UBAP2: variants seen among roughly 807,000 people sequenced by gnomAD.
UBAP2 encodes the protein ubiquitin associated protein 2.
A neutral mutation model predicts 139.6 loss-of-function variants in UBAP2; 75 were observed. That is an observed-to-expected ratio of 0.54 (90% CI 0.45 to 0.65). The LOEUF is 0.65. Ranked by LOEUF, UBAP2 falls within the 30% of genes least tolerant of loss-of-function variation. The pLI, the probability that UBAP2 is intolerant of heterozygous loss-of-function variation, is 0.00. For missense variants in UBAP2, 1,368 were observed against 1,369.6 expected, an observed-to-expected ratio of 1.00 and a Z score of 0.02; for synonymous variants, 526 against 526.2, an observed-to-expected ratio of 1.00 and a Z score of 0.01.
chr9:33,935,000 A>T (rs749969829), intron 17 of UBAP2, among the ~76,000 whole-genome samples: 1 of 152,184 alleles, frequency 6.6e-6, no homozygotes, highest in Non-Finnish European at 1.5e-5. Context: ...ACTCCCAGGA[A>T]ATCCTATTTA....
At chr9:33,947,561 C>T (rs1197459965) in intron 13 of UBAP2, among the ~76,000 whole-genome samples, 2 of 152,112 alleles carry the variant, frequency 1.3e-5, no homozygotes, top group Non-Finnish European at 2.9e-5. Context: ...GTGGCTCACA[C>T]CTGTGATCTC....
At chr9:33,963,855 G>A in intron 8 of UBAP2, 64 bp from the exon 9 acceptor site, 2 of 1,216,060 alleles carry the variant, frequency 1.6e-6, no homozygotes, top group Non-Finnish European at 2.4e-6. Flanking sequence ...TCATCACAGA[G>A]AAGATGGTCA....
intron 2 of UBAP2, among the ~76,000 whole-genome samples, chr9:34,004,965 T>C (rs1587646291): frequency 6.7e-6 from 1 of 149,416 alleles, no homozygotes; most frequent in East Asian, 2.0e-4. Flanking sequence ...TTTTCTTAAA[T>C]CCCATTGAAA....
intron 6 of UBAP2, among the ~76,000 whole-genome samples, chr9:33,984,692 A>G (rs1408452301): frequency 6.6e-6 from 1 of 151,894 alleles, no homozygotes; most frequent in Non-Finnish European, 1.5e-5. Context: ...GAGAAAAAAA[A>G]ACAGTAGACA....
intron 6 of UBAP2, among the ~76,000 whole-genome samples, chr9:33,983,575 G>A (rs1820951437): frequency 6.6e-6 from 1 of 152,188 alleles, no homozygotes; most frequent in African/African-American, 2.4e-5. Flanking sequence ...GTCTTATACT[G>A]TGACCGCCCT....
intron 10 of UBAP2, among the ~76,000 whole-genome samples, chr9:33,957,613 C>T (rs997493169): frequency 3.3e-5 from 5 of 152,162 alleles, no homozygotes; most frequent in Non-Finnish European, 5.9e-5. Context: ...TTTTTTGAAA[C>T]CTCAACTGAC....
intron 2 of UBAP2, among the ~76,000 whole-genome samples, chr9:34,013,478 C>T (rs974051178): frequency 6.6e-6 from 1 of 151,212 alleles, no homozygotes; most frequent in Non-Finnish European, 1.5e-5. Context: ...ACAACAAGAG[C>T]AAAACTCCGT....
chr9:34,037,997 CAAAAAA>C (rs72361484), intron 1 of UBAP2, among the ~76,000 whole-genome samples: 1 of 87,364 alleles, frequency 1.1e-5, no homozygotes, highest in African/African-American at 4.5e-5. Flanking sequence ...CCTGTCTCTA[CAAAAAA>C]AAAAAAAAAA....
chr9:34,017,167 A>G lies in UBAP2; in HGVS notation c.-19T>C, dbSNP rs1318060063. On this transcript the variant is annotated 5_prime_UTR_variant, in exon 2 of 29. Coordinates refer to ENST00000379238, the MANE Select transcript of UBAP2 (RefSeq NM_001370062.2). The stretch of plus-strand genomic sequence containing the variant: ...TCATCATATACAGTATATACAAAAT[A>G]ATGTATGTACAAAATAGAAAATCTG... 7.2e-6 allele frequency: 11 copies of G among 1,529,740 alleles called. No homozygotes were observed. The highest frequency in any genetic ancestry group is 8.8e-6 in the Non-Finnish European group (10 of 1,133,308). 94.8% of individuals were successfully genotyped at this position (1,529,740 alleles called of 1,614,324 possible).
chr9:34,017,455 C>T (rs1267130962), intron 1 of UBAP2, among the ~76,000 whole-genome samples: 1 of 152,180 alleles, frequency 6.6e-6, no homozygotes. Context: ...TTTATCACTA[C>T]ATGTAGTCAC....
intron 4 of UBAP2, 61 bp downstream of exon 4, chr9:33,996,162 G>A: frequency 7.6e-7 from 1 of 1,320,794 alleles, no homozygotes. Flanking sequence ...AGGTGAAGTT[G>A]AAAATGTGCT....
intron 1 of UBAP2, 37 bp downstream of exon 1, chr9:34,048,788 C>T (rs1320281528): frequency 6.6e-6 from 1 of 152,260 alleles, no homozygotes; most frequent in African/African-American, 2.4e-5. Context: ...GCTCAGGGCC[C>T]TGGAAGAGGG....
intron 2 of UBAP2, among the ~76,000 whole-genome samples, chr9:34,010,753 T>A (rs1390320749): frequency 6.6e-6 from 1 of 152,098 alleles, no homozygotes; most frequent in Non-Finnish European, 1.5e-5. Context: ...AAACAGGAGC[T>A]ACAACAAACA....
intron 6 of UBAP2, among the ~76,000 whole-genome samples, chr9:33,977,174 G>T (rs1820205911): frequency 6.6e-6 from 1 of 151,054 alleles, no homozygotes; most frequent in South Asian, 2.1e-4. Context: ...GAGTAGCTGG[G>T]ATTACAGGTG....
chr9:33,955,498 C>G (rs183834546), intron 11 of UBAP2, among the ~76,000 whole-genome samples: 1 of 148,164 alleles, frequency 6.7e-6, no homozygotes, highest in East Asian at 2.0e-4. Context: ...CCAGCCTAGG[C>G]GACAGAGTGA....
rs147531630 is a variant in UBAP2, at chr9:34,029,253, C to T, written c.-41-12064G>A. Among the ~76,000 whole-genome samples the T allele has an allele frequency of 3.2e-3, 454 of 143,952 alleles. 4 individuals are homozygous for T. The highest frequency in any genetic ancestry group is 0.011 in the African/African-American group (428 of 39,596). The allele number at this position is 143,952 out of a possible 152,430, so 94.4% of individuals were successfully genotyped here. On this transcript the variant is annotated intron_variant, in intron 1 of 28. Transcript: ENST00000379238. ...CTAAAAATGTGTACATAGGGCCAGG[C>T]GTAGTGGCTCAGACCTGTAATCCAG... is the stretch of plus-strand genomic sequence containing the variant.
intron 12 of UBAP2, among the ~76,000 whole-genome samples, chr9:33,950,234 T>C (rs747515660): frequency 1.3e-5 from 2 of 151,926 alleles, no homozygotes; most frequent in Non-Finnish European, 2.9e-5. Flanking sequence ...CCCGGCTTTT[T>C]TGTTGTTGTT....
At chr9:33,926,965 C>G in intron 21 of UBAP2, 24 bp downstream of exon 21, 1 of 1,610,864 alleles carries the variant, frequency 6.2e-7, no homozygotes, top group Non-Finnish European at 8.5e-7. Context: ...GCTGGGCAGG[C>G]CAGGAGTTCC....
At chr9:34,015,164 C>G (rs991465165) in intron 2 of UBAP2, among the ~76,000 whole-genome samples, 1 of 152,102 alleles carries the variant, frequency 6.6e-6, no homozygotes, top group Non-Finnish European at 1.5e-5. Context: ...TGCATATTGC[C>G]TATGAAAAAG....
Sources: gnomAD v4.1 joint callset for allele counts (sites outside exome capture counted in the v4.1 genomes callset) on GRCh38, gnomAD v4.1.1 for gene constraint, MANE v1.5 for transcripts, NCBI Gene and HGNC (gene_info 2026-07-23, HGNC 2026-07-21) for gene names.